Variants in FSTL4 observed in about 807,000 individuals in gnomAD.
The protein encoded by FSTL4 is follistatin-related protein 4.
FSTL4 carries 28 observed loss-of-function variants against 78.2 expected under a neutral mutation model. The observed-to-expected ratio is 0.36, with a 90% CI of 0.27 to 0.49. The LOEUF (loss-of-function observed/expected upper bound fraction) is 0.49, where lower values mean the gene tolerates loss of function less well. Ranked by LOEUF, FSTL4 falls within the 20% of genes least tolerant of loss-of-function variation. The probability of loss-of-function intolerance (pLI) is 0.98; values close to 1 mark genes in which losing one functional copy is unlikely to be tolerated. For missense variants in FSTL4, 922 were observed against 1,084.9 expected (o/e 0.85, Z 2.11); for synonymous variants, 422 against 440.5 (o/e 0.96, Z 0.53).
the FSTL4 span, among the ~76,000 whole-genome samples, chr5:133,680,414 G>A: frequency 6.6e-6 from 1 of 152,090 alleles, no homozygotes; most frequent in African/African-American, 2.4e-5. Flanking sequence ...AAGGTGGTGG[G>A]CCCTGCCCTT....
At chr5:133,626,097 CCA>C in the FSTL4 span, among the ~76,000 whole-genome samples, 1 of 72,592 alleles carries the variant, frequency 1.4e-5, no homozygotes, top group African/African-American at 6.1e-5. Context: ...TATATATATT[CCA>C]TATATATATA....
At chr5:133,255,942 A>G (rs1241696610) in intron 6 of FSTL4, among the ~76,000 whole-genome samples, 2 of 152,200 alleles carry the variant, frequency 1.3e-5, no homozygotes, top group Admixed American at 6.5e-5. Flanking sequence ...CCTCTCAAAC[A>G]GGATTCTGGT....
chr5:133,541,177 T>A (rs1466531006), intron 3 of FSTL4, among the ~76,000 whole-genome samples: 1 of 152,234 alleles, frequency 6.6e-6, no homozygotes, highest in Non-Finnish European at 1.5e-5. Flanking sequence ...GTTGCATTAT[T>A]TCTCGATATT....
At chr5:133,296,438 T>C (rs1753397373) in intron 6 of FSTL4, among the ~76,000 whole-genome samples, 2 of 152,194 alleles carry the variant, frequency 1.3e-5, no homozygotes, top group Non-Finnish European at 2.9e-5. Context: ...TCCAATAATC[T>C]AGTTTCACCC....
chr5:133,294,988 G>A (rs1429889221), intron 6 of FSTL4, among the ~76,000 whole-genome samples: 3 of 152,112 alleles, frequency 2.0e-5, no homozygotes, highest in South Asian at 2.1e-4. Context: ...CTGGGGAAAC[G>A]GCCACCCTGC....
chr5:133,424,061 C>T (rs1454505120), intron 3 of FSTL4, among the ~76,000 whole-genome samples: 4 of 152,188 alleles, frequency 2.6e-5, no homozygotes, highest in Non-Finnish European at 5.9e-5. Flanking sequence ...TCTGCAGAAT[C>T]GGACTGGGCT....
rs113713626 is a variant in FSTL4 at position 133,202,130 on chromosome 5, C to T, written c.1717-88G>A. The T allele has an allele frequency of 1.4e-3, 1,066 of 771,028 alleles. 11 individuals carry two copies. In the African/African-American group the frequency reaches 0.015, roughly 11 times the overall value. The allele number at this position is 771,028 out of a possible 1,614,324, so 47.8% of individuals were successfully genotyped here. On this transcript the variant is annotated intron_variant, in intron 14 of 15. Coordinates refer to ENST00000265342, the MANE Select transcript of FSTL4 (RefSeq NM_015082.2). ...CCTGTACGCTCAGGTGGAGTCACCC[C>T]GGCAGAGGGGTGCTTGGGAGAGAGA...
chr5:133,732,532 A>G, the FSTL4 span, among the ~76,000 whole-genome samples: 2,853 of 152,228 alleles, frequency 0.019, 96 homozygotes, highest in African/African-American at 0.065. Context: ...CCCATCCGTC[A>G]GCAGGTTTCG....
At chr5:133,821,222 G>A in the FSTL4 span, among the ~76,000 whole-genome samples, 1 of 152,118 alleles carries the variant, frequency 6.6e-6, no homozygotes, top group Non-Finnish European at 1.5e-5. Context: ...ATTTCTTGAG[G>A]GTTTCATGCT....
intron 3 of FSTL4, among the ~76,000 whole-genome samples, chr5:133,533,982 G>T (rs1028112661): frequency 6.6e-6 from 1 of 151,900 alleles, no homozygotes; most frequent in Non-Finnish European, 1.5e-5. Flanking sequence ...TGTACATTGG[G>T]CCTAACATTC....
chr5:133,323,837 A>G (rs1000360983), intron 4 of FSTL4, among the ~76,000 whole-genome samples: 6 of 152,248 alleles, frequency 3.9e-5, no homozygotes, highest in Non-Finnish European at 8.8e-5. Context: ...GTAATGAACT[A>G]CATTTATCAA....
intron 3 of FSTL4, among the ~76,000 whole-genome samples, chr5:133,441,608 C>G (rs186258866): frequency 6.6e-6 from 1 of 152,278 alleles, no homozygotes; most frequent in Admixed American, 6.5e-5. Context: ...ATAGACAGGG[C>G]TACTGAACCC....
intron 5 of FSTL4, 68 bp downstream of exon 5, chr5:133,316,391 G>A: frequency 1.6e-6 from 2 of 1,261,206 alleles, no homozygotes; most frequent in Non-Finnish European, 2.3e-6. Context: ...TAGACACCAG[G>A]GGGCCGGGGT....
At chr5:133,787,980 G>C in the FSTL4 span, among the ~76,000 whole-genome samples, 1 of 152,208 alleles carries the variant, frequency 6.6e-6, no homozygotes, top group Non-Finnish European at 1.5e-5. Context: ...GTAAGTGGTC[G>C]TGAATGACTG....
At chr5:133,476,730 C>T (rs1757932517) in intron 3 of FSTL4, among the ~76,000 whole-genome samples, 1 of 152,132 alleles carries the variant, frequency 6.6e-6, no homozygotes. Flanking sequence ...CCTTCTGAGC[C>T]CTATTTACCC....
chr5:133,605,985 C>A (rs1259354369), intron 1 of FSTL4, among the ~76,000 whole-genome samples: 2 of 152,266 alleles, frequency 1.3e-5, no homozygotes, highest in East Asian at 3.9e-4. Context: ...CACTCCCTCC[C>A]CTGCCCCCCA....
the FSTL4 span, among the ~76,000 whole-genome samples, chr5:133,813,640 A>AT: frequency 6.6e-6 from 1 of 152,110 alleles, no homozygotes; most frequent in African/African-American, 2.4e-5. Context: ...GGCTGCACTG[A>AT]TTTTTCTTCT....
chr5:133,523,441 C>A (rs972804398), intron 3 of FSTL4, among the ~76,000 whole-genome samples: 23 of 151,178 alleles, frequency 1.5e-4, no homozygotes, highest in African/African-American at 5.3e-4. Context: ...GGAAAACCAG[C>A]CAGCAGGGAA....
At chr5:133,331,703 T>C (rs1754350550) in intron 4 of FSTL4, among the ~76,000 whole-genome samples, 1 of 152,218 alleles carries the variant, frequency 6.6e-6, no homozygotes. Flanking sequence ...AAGATTTATC[T>C]TAACCTCTCG....
Sources: allele counts gnomAD v4.1 joint callset (sites outside exome capture counted in the v4.1 genomes callset), GRCh38; gene constraint gnomAD v4.1.1; transcripts MANE v1.5; gene names NCBI Gene and HGNC (gene_info 2026-07-23, HGNC 2026-07-21).